FRY: variants seen among roughly 807,000 people sequenced by gnomAD.
FRY encodes the protein protein furry homolog.
Under a neutral mutation model 348.4 loss-of-function variants are expected in FRY, and 128 were observed. That is an observed-to-expected ratio of 0.37 (90% CI 0.32 to 0.43). The LOEUF (loss-of-function observed/expected upper bound fraction) is 0.43. Among genes scored for constraint, FRY ranks in the 20% least tolerant of loss-of-function variants. The pLI is 1.00. For synonymous variants in FRY, 1,370 were observed against 1,374.7 expected (o/e 1.00, Z 0.08); for missense variants, 2,736 against 3,695.2 (o/e 0.74, Z 6.73).
At position 32,224,929 on chromosome 13, in the gene FRY, T is replaced by G. The variant is rs369564150; in HGVS notation, c.4917-4T>G. On this transcript the variant is annotated splice_region_variant and splice_polypyrimidine_tract_variant and intron_variant, in intron 37 of 60. Coordinates refer to ENST00000542859, the MANE Select transcript of FRY (RefSeq NM_023037.3). ...TGCATTAATTTCATTATTTCATTGA[T>G]TAGGTGCAATATTGCTGTAATTTTT... The G allele has an allele frequency of 6.9e-5, 106 of 1,535,466 alleles. No individual in the cohort carries two copies. Among genetic ancestry groups the G allele is most frequent in the Non-Finnish European group, 9.5e-5 (105 of 1,108,180 alleles).
chr13:32,213,569 G>A (rs1384414791), intron 35 of FRY, among the ~76,000 whole-genome samples: 2 of 152,200 alleles, frequency 1.3e-5, no homozygotes, highest in East Asian at 3.8e-4. Context: ...TAATTAGCAT[G>A]TTACTTTTTA....
intron 2 of FRY, among the ~76,000 whole-genome samples, chr13:32,080,240 CA>C (rs1303925639): frequency 6.6e-6 from 1 of 152,194 alleles, no homozygotes; most frequent in Non-Finnish European, 1.5e-5. Context: ...ATCCTTACTA[CA>C]GGACCTTTAT....
At chr13:32,073,595 C>T (rs188162755) in intron 1 of FRY, among the ~76,000 whole-genome samples, 17 of 152,062 alleles carry the variant, frequency 1.1e-4, no homozygotes, top group Admixed American at 1.1e-3. Context: ...GGTTATGTTA[C>T]CCCACCTCAG....
intron 8 of FRY, among the ~76,000 whole-genome samples, chr13:32,133,803 G>C (rs1879531947): frequency 8.8e-6 from 1 of 113,032 alleles, no homozygotes; most frequent in Non-Finnish European, 1.8e-5. Flanking sequence ...ATTTGAGACA[G>C]GGGTCTCACT....
intron 43 of FRY, among the ~76,000 whole-genome samples, chr13:32,236,618 A>C (rs2138451836): frequency 6.6e-6 from 1 of 152,052 alleles, no homozygotes; most frequent in African/African-American, 2.4e-5. Flanking sequence ...ATTCAAAGAA[A>C]TTCCTACCTC....
At chr13:32,216,596 A>G (rs1041339734) in intron 35 of FRY, among the ~76,000 whole-genome samples, 13 of 152,244 alleles carry the variant, frequency 8.5e-5, no homozygotes, top group African/African-American at 2.9e-4. Flanking sequence ...GGAAACCTGC[A>G]GATGTGCCAT....
At chr13:32,279,841 G>A (rs1359245727) in intron 58 of FRY, among the ~76,000 whole-genome samples, 1 of 152,224 alleles carries the variant, frequency 6.6e-6, no homozygotes, top group East Asian at 1.9e-4. Flanking sequence ...TATTGAGCAA[G>A]TTTGCAGTCC....
At chr13:32,055,364 C>A (rs757907098) in intron 1 of FRY, among the ~76,000 whole-genome samples, 1 of 152,114 alleles carries the variant, frequency 6.6e-6, no homozygotes, top group Non-Finnish European at 1.5e-5. Context: ...CTATTTTAAA[C>A]CCTCCTATGG....
In FRY at chr13:32,185,123, G is replaced by T. The variant is rs759631024; in HGVS notation, c.3294G>T (p.Val1098=). 1 of 1,614,050 alleles carries T rather than the reference G, an allele frequency of 6.2e-7. No homozygotes were observed. The highest frequency in any genetic ancestry group is 1.1e-5 in the South Asian group (1 of 91,078). The change falls in exon 26 of 61, where the codon GTG becomes GTT. Residue 1098 remains valine (V), a synonymous_variant. Transcript: ENST00000542859. The part of the protein sequence containing the change: ...KDIRAHFSAM[V]ANLIQCVPVH... ...TCCGGGCACATTTTAGTGCAATGGT[G>T]GCCAACTTGATTCAGTGTGTTCCAG...
At chr13:32,257,881 A>G in intron 51 of FRY, 1 of 1,167,710 alleles carries the variant, frequency 8.6e-7, no homozygotes, top group Non-Finnish European at 1.3e-6. Flanking sequence ...TAACACTAAG[A>G]GAAATGTTCT....
intron 51 of FRY, among the ~76,000 whole-genome samples, chr13:32,255,142 C>G (rs1015640084): frequency 1.3e-5 from 2 of 152,158 alleles, no homozygotes; most frequent in African/African-American, 4.8e-5. Context: ...CGTCTTTTGC[C>G]TCATGGGATC....
intron 2 of FRY, among the ~76,000 whole-genome samples, chr13:32,088,837 G>A (rs1399246218): frequency 1.3e-5 from 2 of 152,046 alleles, no homozygotes; most frequent in Non-Finnish European, 2.9e-5. Flanking sequence ...AGAGATTATC[G>A]AAGTTTCCTT....
intron 2 of FRY, 67 bp downstream of exon 2, chr13:32,079,100 A>T (rs942449623): frequency 9.5e-7 from 1 of 1,053,728 alleles, no homozygotes; most frequent in South Asian, 1.3e-5. Context: ...CTAGATTTAA[A>T]CACTATAACA....
chr13:32,253,232 A>T (rs1425184329), intron 50 of FRY, among the ~76,000 whole-genome samples: 1 of 152,178 alleles, frequency 6.6e-6, no homozygotes, highest in East Asian at 1.9e-4. Flanking sequence ...TCATGTACCC[A>T]TTTGCAATCC....
At chr13:32,192,643 G>T (rs1883414379) in intron 28 of FRY, among the ~76,000 whole-genome samples, 1 of 150,940 alleles carries the variant, frequency 6.6e-6, no homozygotes. Context: ...AACCCTGTAA[G>T]TAAAAAAACA....
chr13:32,295,276 G>A lies in FRY; in HGVS notation c.8858G>A (p.Arg2953His), dbSNP rs141662577. ...EVQTLLNIYF[R>H]HQTLGQTGTY... The stretch of plus-strand genomic sequence containing the variant: ...CAGACACTACTGAATATTTATTTCC[G>A]TCACCAAACTCTGGGACAGACGGGT... Residue 2953 changes from arginine to histidine, a missense_variant, in exon 61 of 61, where the codon CGT becomes CAT. Coordinates refer to ENST00000542859, the MANE Select transcript of FRY (RefSeq NM_023037.3). 73 of 1,613,874 alleles carry A rather than the reference G, an allele frequency of 4.5e-5. No homozygotes were observed. The highest frequency in any genetic ancestry group is 1.6e-4 in the Middle Eastern group (1 of 6,062).
chr13:32,253,559 A>G (rs139341532), intron 50 of FRY, among the ~76,000 whole-genome samples: 105 of 152,350 alleles, frequency 6.9e-4, no homozygotes, highest in Non-Finnish European at 1.4e-3. Flanking sequence ...GGGTCAGTGA[A>G]AAGAACCTAA....
At chr13:32,119,205 T>C (rs1022742433) in intron 4 of FRY, among the ~76,000 whole-genome samples, 1 of 152,098 alleles carries the variant, frequency 6.6e-6, no homozygotes, top group Non-Finnish European at 1.5e-5. Flanking sequence ...TGAATGAAGC[T>C]CTCTAGGGTA....
At chr13:32,050,950 C>T (rs1271779520) in intron 1 of FRY, among the ~76,000 whole-genome samples, 1 of 152,206 alleles carries the variant, frequency 6.6e-6, no homozygotes, top group Non-Finnish European at 1.5e-5. Context: ...ATATCCACCA[C>T]ATACGCATTT....
Sources: gnomAD v4.1 joint callset for allele counts (sites outside exome capture counted in the v4.1 genomes callset) on GRCh38, gnomAD v4.1.1 for gene constraint, MANE v1.5 for transcripts, NCBI Gene and HGNC (gene_info 2026-07-23, HGNC 2026-07-21) for gene names.